SYNDIG1: variants seen among roughly 807,000 people sequenced by gnomAD.
SYNDIG1 encodes the protein synapse differentiation inducing 1, also known as synapse differentiation-inducing gene protein 1.
Under a neutral mutation model 19.4 loss-of-function variants are expected in SYNDIG1, and 9 were observed. The observed-to-expected ratio is 0.46, with a 90% CI of 0.28 to 0.81. The LOEUF is 0.81. SYNDIG1 is among the 30% of genes least tolerant of loss of function. SYNDIG1 has a pLI of 0.12. For synonymous variants in SYNDIG1, 141 were observed against 145.9 expected, an observed-to-expected ratio of 0.97 and a Z score of 0.24; for missense variants, 311 against 343.3, an observed-to-expected ratio of 0.91 and a Z score of 0.74.
At chr20:24,482,615 A>G (rs1178059411) in intron 1 of SYNDIG1, among the ~76,000 whole-genome samples, 4 of 152,228 alleles carry the variant, frequency 2.6e-5, no homozygotes, top group African/African-American at 9.6e-5. Context: ...CACGCAGAGT[A>G]TGTGTATCTT....
At chr20:24,501,833 G>C (rs2056461215) in intron 1 of SYNDIG1, among the ~76,000 whole-genome samples, 1 of 152,214 alleles carries the variant, frequency 6.6e-6, no homozygotes, top group South Asian at 2.1e-4. Context: ...GAGCAAGTAA[G>C]GCCGGTGCCC....
At chr20:24,471,029 G>A (rs1288837140) in intron 1 of SYNDIG1, among the ~76,000 whole-genome samples, 8 of 152,118 alleles carry the variant, frequency 5.3e-5, no homozygotes. Flanking sequence ...CAGTTGGTGA[G>A]GCGTGCGCGC....
chr20:24,496,300 T>C (rs1229486561), intron 1 of SYNDIG1, among the ~76,000 whole-genome samples: 5 of 152,220 alleles, frequency 3.3e-5, no homozygotes. Context: ...AATCTATGGC[T>C]GCGTTTGAGA....
Position 24,544,789 on chromosome 20 carries a change from G to T in SYNDIG1, c.480+1212G>T, listed in dbSNP as rs535238394. 2.0e-5 allele frequency among the ~76,000 whole-genome samples: 3 copies of T among 152,326 alleles called. No homozygotes were observed. In the East Asian group the frequency reaches 5.8e-4, roughly 29 times the overall value. On this transcript the variant is annotated intron_variant, in intron 2 of 3. Coordinates refer to ENST00000376862, the MANE Select transcript of SYNDIG1 (RefSeq NM_024893.3). ...GTGAGGAGATTGCAGACAGTCTAGA[G>T]CAATGAACTGGGGGAAGTGCCCATT...
chr20:24,526,788 C>A (rs1301765288), intron 1 of SYNDIG1, among the ~76,000 whole-genome samples: 2 of 152,108 alleles, frequency 1.3e-5, no homozygotes, highest in African/African-American at 2.4e-5. Context: ...TTTCACTTGG[C>A]TCTTGAAAGA....
intron 3 of SYNDIG1, among the ~76,000 whole-genome samples, chr20:24,632,775 T>A (rs913367490): frequency 1.3e-5 from 2 of 152,160 alleles, no homozygotes; most frequent in African/African-American, 4.8e-5. Flanking sequence ...AAGAGACCTG[T>A]AAATAATTGT....
intron 3 of SYNDIG1, among the ~76,000 whole-genome samples, chr20:24,587,954 A>G (rs1336059873): frequency 6.6e-6 from 1 of 152,258 alleles, no homozygotes; most frequent in Non-Finnish European, 1.5e-5. Flanking sequence ...GGAACATGCC[A>G]AGCCATTACA....
chr20:24,583,784 G>T (rs1182529518), intron 2 of SYNDIG1, among the ~76,000 whole-genome samples: 1 of 152,130 alleles, frequency 6.6e-6, no homozygotes, highest in South Asian at 2.1e-4. Context: ...CTATGGAATC[G>T]CAAACCACAT....
chr20:24,472,865 C>T (rs1296425374), intron 1 of SYNDIG1, among the ~76,000 whole-genome samples: 1 of 152,130 alleles, frequency 6.6e-6, no homozygotes, highest in East Asian at 1.9e-4. Context: ...TTTTGAATAC[C>T]TTTATAAAGT....
At position 24,503,053 on chromosome 20, in the gene SYNDIG1, G is replaced by A. The variant is rs149573421; in HGVS notation, c.-79+33300G>A. Among the ~76,000 whole-genome samples, 186 of 152,310 alleles carry A rather than the reference G, an allele frequency of 1.2e-3. 2 individuals carry two copies. The highest frequency in any genetic ancestry group is 5.0e-3 in the East Asian group (26 of 5,190). Reference sequence around the variant, plus strand: ...TTCAAGGGCCCTTTATCTGGGATGCGTGAATGGACAGATTCATGGTCAGGG... The same window carrying A: ...TTCAAGGGCCCTTTATCTGGGATGCATGAATGGACAGATTCATGGTCAGGG... On this transcript the variant is annotated intron_variant, in intron 1 of 3. Coordinates refer to ENST00000376862, the MANE Select transcript of SYNDIG1 (RefSeq NM_024893.3).
intron 3 of SYNDIG1, among the ~76,000 whole-genome samples, chr20:24,641,666 C>T (rs536928201): frequency 3.4e-4 from 52 of 152,236 alleles, no homozygotes; most frequent in Admixed American, 6.5e-4. Context: ...AGTTAACATA[C>T]GTGCTAGACT....
intron 1 of SYNDIG1, among the ~76,000 whole-genome samples, chr20:24,506,479 A>G (rs1172594076): frequency 2.6e-5 from 4 of 152,220 alleles, no homozygotes; most frequent in Non-Finnish European, 4.4e-5. Flanking sequence ...CTGAGGGTGG[A>G]CAGTGCTTTG....
chr20:24,509,277 A>T (rs1487522875), intron 1 of SYNDIG1, among the ~76,000 whole-genome samples: 3 of 152,020 alleles, frequency 2.0e-5, no homozygotes, highest in Non-Finnish European at 4.4e-5. Flanking sequence ...GTTTCTCTGA[A>T]CTGTTTTTCT....
Position 24,540,355 on chromosome 20 carries a change from A to G in SYNDIG1, c.-78-2665A>G, listed in dbSNP as rs1270524238. On this transcript the variant is annotated intron_variant, in intron 1 of 3. Coordinates refer to ENST00000376862, the MANE Select transcript of SYNDIG1 (RefSeq NM_024893.3). ...GTGAGATCATACTTCTTCCTTTCCA[A>G]TTAAGTGCCTTTTATTTCTTTTTCT... Among the ~76,000 whole-genome samples, 6 of 152,180 alleles carry G rather than the reference A, an allele frequency of 3.9e-5. No individual in the cohort carries two copies. In the East Asian group the frequency reaches 1.2e-3, roughly 29 times the overall value.
chr20:24,651,874 A>G (rs1375775158), intron 3 of SYNDIG1, among the ~76,000 whole-genome samples: 2 of 152,154 alleles, frequency 1.3e-5, no homozygotes, highest in African/African-American at 4.8e-5. Context: ...TTCAGCTAGC[A>G]GTGACCACCG....
chr20:24,521,621 C>T (rs2057005098), intron 1 of SYNDIG1, among the ~76,000 whole-genome samples: 1 of 152,078 alleles, frequency 6.6e-6, no homozygotes, highest in Admixed American at 6.5e-5. Context: ...TACCTCGCCA[C>T]ACACAGTGGC....
chr20:24,497,160 CT>C (rs1171652675), intron 1 of SYNDIG1, among the ~76,000 whole-genome samples: 1 of 152,074 alleles, frequency 6.6e-6, no homozygotes, highest in Non-Finnish European at 1.5e-5. Context: ...CTGCTTCTCT[CT>C]TTTTCTTTTC....
At position 24,571,774 on chromosome 20, in the gene SYNDIG1, T is replaced by C. The variant is rs2058148714; in HGVS notation, c.481-13082T>C. 1.3e-5 allele frequency among the ~76,000 whole-genome samples: 2 copies of C among 152,250 alleles called. 1 individual carries two copies. The highest frequency in any genetic ancestry group is 4.8e-5 in the African/African-American group (2 of 41,468). ...TAAATAACCAGAGGTTTACTATAAT[T>C]TGGTTTTACACAGAGGCAACCTTTT... On this transcript the variant is annotated intron_variant, in intron 2 of 3. Transcript: ENST00000376862.
rs527898380 is a variant in SYNDIG1 at position 24,506,794 on chromosome 20, C to A, written c.-78-36226C>A. Reference sequence around the variant, plus strand: ...ATTGTGGTCCCAGGCAGTCCCACATCGGTTCCCAAAGCCAGGCATACCTGA... The same window carrying A: ...ATTGTGGTCCCAGGCAGTCCCACATAGGTTCCCAAAGCCAGGCATACCTGA... On this transcript the variant is annotated intron_variant, in intron 1 of 3. Coordinates refer to ENST00000376862, the MANE Select transcript of SYNDIG1 (RefSeq NM_024893.3). 1.7e-4 allele frequency among the ~76,000 whole-genome samples: 26 copies of A among 152,268 alleles called. 1 individual carries two copies. The South Asian group carries it at 5.4e-3, about 32-fold the overall frequency.
Sources: allele counts gnomAD v4.1 joint callset (sites outside exome capture counted in the v4.1 genomes callset), GRCh38; gene constraint gnomAD v4.1.1; transcripts MANE v1.5; gene names NCBI Gene and HGNC (gene_info 2026-07-23, HGNC 2026-07-21).